Variants in DIS3L2 observed in about 807,000 individuals in gnomAD.
DIS3L2 encodes DIS3-like exonuclease 2.
In DIS3L2, 34 loss-of-function variants were observed where a neutral mutation model predicts 97.5. The observed-to-expected ratio is 0.35, with a 90% CI of 0.27 to 0.46. DIS3L2 has a LOEUF of 0.46. Among genes scored for constraint, DIS3L2 ranks in the 20% least tolerant of loss-of-function variants. The probability of loss-of-function intolerance (pLI) is 1.00; values close to 1 mark genes in which losing one functional copy is unlikely to be tolerated. For synonymous variants in DIS3L2, 435 were observed against 445.2 expected, an observed-to-expected ratio of 0.98 and a Z score of 0.29; for missense variants, 1,038 against 1,146.0, an observed-to-expected ratio of 0.91 and a Z score of 1.36.
intron 12 of DIS3L2, among the ~76,000 whole-genome samples, chr2:232,257,702 A>G (rs2853362): frequency 0.55 from 83,603 of 152,208 alleles, 25,723 homozygotes; most frequent in East Asian, 0.85. Flanking sequence ...ATCTTAATGA[A>G]GTGCTGACAT....
intron 6 of DIS3L2, among the ~76,000 whole-genome samples, chr2:232,094,411 T>C (rs1696937577): frequency 6.6e-6 from 1 of 152,008 alleles, no homozygotes; most frequent in Non-Finnish European, 1.5e-5. Flanking sequence ...ATGCTGAAAA[T>C]GGGGTGTTGA....
At chr2:232,322,718 G>T (rs977787989) in intron 14 of DIS3L2, among the ~76,000 whole-genome samples, 1 of 152,208 alleles carries the variant, frequency 6.6e-6, no homozygotes, top group Non-Finnish European at 1.5e-5. Context: ...CGTTTTTGTG[G>T]CTGCCTTGGT....
intron 5 of DIS3L2, among the ~76,000 whole-genome samples, chr2:232,045,894 C>T (rs1436790718): frequency 3.9e-5 from 6 of 151,928 alleles, no homozygotes; most frequent in African/African-American, 1.2e-4. Context: ...AGGCTGGTCT[C>T]GAACCCCTGA....
At chr2:232,157,285 A>G (rs747759655) in intron 8 of DIS3L2, among the ~76,000 whole-genome samples, 17 of 152,172 alleles carry the variant, frequency 1.1e-4, no homozygotes, top group Admixed American at 6.5e-4. Context: ...TGTGATATTG[A>G]AAGGCCTGAC....
At chr2:232,262,871 T>C (rs1321925630) in intron 12 of DIS3L2, among the ~76,000 whole-genome samples, 1 of 152,154 alleles carries the variant, frequency 6.6e-6, no homozygotes. Context: ...CTCTCTCCTC[T>C]ACTACTCTCA....
Position 232,289,764 on chromosome 2 carries a change from G to A in DIS3L2, c.1660-10276G>A, listed in dbSNP as rs191065016. On this transcript the variant is annotated intron_variant, in intron 13 of 20. Transcript: ENST00000325385. ...TCTCTGAGTGGGTGGAGAGCCTGTC[G>A]CTTGGGCTACTTCTGTTTCCCTTCC... Among the ~76,000 whole-genome samples the A allele has an allele frequency of 2.4e-3, 367 of 152,306 alleles. 4 individuals are homozygous for A. The highest frequency in any genetic ancestry group is 8.6e-3 in the African/African-American group (358 of 41,578).
At chr2:232,207,651 C>T (rs1382783073) in intron 9 of DIS3L2, among the ~76,000 whole-genome samples, 3 of 152,178 alleles carry the variant, frequency 2.0e-5, no homozygotes, top group East Asian at 1.9e-4. Flanking sequence ...CTGGGATCTG[C>T]ACTCTAAATG....
chr2:232,329,785 T>TGCCCGGGGG, intron 14 of DIS3L2, 28 bp from the exon 15 acceptor site: 189 of 966,892 alleles, frequency 2.0e-4, no homozygotes, highest in Middle Eastern at 3.5e-4. Context: ...ACCCCAGCGG[T>TGCCCGGGGG]CCCTCCCATC....
intron 10 of DIS3L2, among the ~76,000 whole-genome samples, chr2:232,235,268 G>A (rs186236252): frequency 6.6e-6 from 1 of 152,318 alleles, no homozygotes; most frequent in East Asian, 1.9e-4. Flanking sequence ...ATGAAAGCCA[G>A]TATCTTTTAA....
At chr2:232,031,327 C>T (rs184087047) in intron 5 of DIS3L2, among the ~76,000 whole-genome samples, 4 of 152,028 alleles carry the variant, frequency 2.6e-5, no homozygotes, top group Admixed American at 2.6e-4. Flanking sequence ...TAGCTATATG[C>T]CAGGTATTCA....
chr2:232,086,927 G>A (rs898235967), intron 5 of DIS3L2, among the ~76,000 whole-genome samples: 2 of 151,714 alleles, frequency 1.3e-5, no homozygotes, highest in Admixed American at 6.6e-5. Flanking sequence ...TGATCCGCCC[G>A]CCTCAGCCTC....
At chr2:232,086,361 G>GCA (rs1696615458) in intron 5 of DIS3L2, among the ~76,000 whole-genome samples, 1 of 7,366 alleles carries the variant, frequency 1.4e-4, no homozygotes, top group African/African-American at 1.4e-3. Flanking sequence ...ATATATATGT[G>GCA]TATATGTATA....
At chr2:232,107,336 T>A (rs1459054537) in intron 6 of DIS3L2, among the ~76,000 whole-genome samples, 3 of 152,000 alleles carry the variant, frequency 2.0e-5, no homozygotes, top group Non-Finnish European at 2.9e-5. Flanking sequence ...TTGAAAAAAA[T>A]TAATAAAATA....
intron 5 of DIS3L2, among the ~76,000 whole-genome samples, chr2:232,038,065 AGTT>A (rs1695002065): frequency 6.6e-6 from 1 of 152,230 alleles, no homozygotes; most frequent in South Asian, 2.1e-4. Flanking sequence ...CTTCATCCCC[AGTT>A]GCTGCCAATT....
rs544703041 is a variant in DIS3L2 at position 231,984,541 on chromosome 2, C to CA, written c.-94+22777dup. Among the ~76,000 whole-genome samples the CA allele has an allele frequency of 1.8e-3, 274 of 151,892 alleles. 1 individual carries two copies. Among genetic ancestry groups the CA allele is most frequent in the African/African-American group, 6.4e-3 (264 of 41,458 alleles). On this transcript the variant is annotated intron_variant, in intron 1 of 20. Transcript: ENST00000325385. ...AGCTGGGACTACAGGCGCCTGCTAC[C>CA]ACGCCCGGCTAATTTTTTTTTTTTT...
intron 8 of DIS3L2, among the ~76,000 whole-genome samples, chr2:232,159,185 G>A (rs1690581305): frequency 6.6e-6 from 1 of 152,208 alleles, no homozygotes; most frequent in African/African-American, 2.4e-5. Context: ...TGAATGACCT[G>A]AAAAGGGATG....
intron 6 of DIS3L2, among the ~76,000 whole-genome samples, chr2:232,105,506 C>T (rs371636688): frequency 2.0e-5 from 3 of 152,124 alleles, no homozygotes. Context: ...TCACTTCTTT[C>T]TCTTCCCATT....
chr2:232,299,949 A>T (rs1473592987), intron 13 of DIS3L2, 91 bp from the exon 14 acceptor site: 1 of 1,314,512 alleles, frequency 7.6e-7, no homozygotes, highest in Non-Finnish European at 1.1e-6. Context: ...AGGGAGTGTG[A>T]CTTCGTTTGA....
chr2:232,324,167 C>T (rs941374822), intron 14 of DIS3L2, among the ~76,000 whole-genome samples: 1 of 152,250 alleles, frequency 6.6e-6, no homozygotes, highest in Admixed American at 6.5e-5. Flanking sequence ...GGGTACACAG[C>T]TTCTGAGACA....
Sources: allele counts gnomAD v4.1 joint callset (sites outside exome capture counted in the v4.1 genomes callset), GRCh38; gene constraint gnomAD v4.1.1; transcripts MANE v1.5; gene names NCBI Gene and HGNC (gene_info 2026-07-23, HGNC 2026-07-21).